The following HELLS variants were observed in gnomAD, a reference collection of about 807,000 sequenced individuals.
HELLS encodes the protein helicase, lymphoid specific, also known as lymphoid-specific helicase.
Under a neutral mutation model 120.0 loss-of-function variants are expected in HELLS, and 32 were observed. The observed-to-expected ratio is 0.27, with a 90% CI of 0.20 to 0.36. The LOEUF (loss-of-function observed/expected upper bound fraction) is 0.36. HELLS is among the 10% of genes least tolerant of loss of function. The pLI, the probability that HELLS is intolerant of heterozygous loss-of-function variation, is 1.00. For missense variants in HELLS, 650 were observed against 993.4 expected (o/e 0.65, Z 4.65); for synonymous variants, 341 against 323.4 (o/e 1.05, Z -0.58).
In HELLS at chr10:94,574,664, A is replaced by T. The variant is rs1017636897; in HGVS notation, c.816A>T (p.Gly272=). ...IALMIQRGVP[G]PFLVCGPLST... is the part of the protein sequence containing the mutation. ...TGATGATTCAGAGAGGAGTACCAGG[A>T]CCTTTTCTTGTCTGTGGCCCTTTGT... is the stretch of plus-strand genomic sequence containing the variant. The change falls in exon 9 of 22, where the codon GGA becomes GGT. Residue 272 remains glycine (G), a synonymous_variant. Transcript: ENST00000348459. 4 of 1,613,838 alleles carry T rather than the reference A, an allele frequency of 2.5e-6. No homozygotes were observed. The highest frequency in any genetic ancestry group is 3.4e-6 in the Non-Finnish European group (4 of 1,179,838).
intron 9 of HELLS, 105 bp from the exon 10 acceptor site, chr10:94,576,557 T>C (rs1211399230): frequency 5.0e-6 from 3 of 600,072 alleles, no homozygotes; most frequent in Non-Finnish European, 7.9e-6. Flanking sequence ...GAAATAAAAT[T>C]TTTTAAAATT....
chr10:94,613,149 A>G (rs912706307), exon 10 of HELLS: 1 of 152,230 alleles, frequency 6.6e-6, no homozygotes, highest in African/African-American at 2.4e-5. Flanking sequence ...GTACTTATGT[A>G]CTTTTCAGAA....
At chr10:94,564,475 C>T (rs566524178) in intron 6 of HELLS, among the ~76,000 whole-genome samples, 9 of 152,142 alleles carry the variant, frequency 5.9e-5, no homozygotes, top group Non-Finnish European at 1.0e-4. Flanking sequence ...AAGACTTTTA[C>T]GAAACTGAAA....
In HELLS at chr10:94,601,524, T is replaced by C. The variant is rs887091140; in HGVS notation, c.2423-4T>C. On this transcript the variant is annotated splice_region_variant and splice_polypyrimidine_tract_variant and intron_variant, in intron 21 of 21. Transcript: ENST00000348459. The stretch of plus-strand genomic sequence containing the variant: ...ATGTACCTGTTTTAATGTTTTTCCC[T>C]TAGATCAAATGAATGCTTCAGGACC... 6.9e-7 allele frequency: 1 copy of C among 1,439,984 alleles called. No individual in the cohort carries two copies. Among genetic ancestry groups the C allele is most frequent in the Admixed American group, 1.8e-5 (1 of 54,894 alleles). 89.2% of individuals were successfully genotyped at this position (1,439,984 alleles called of 1,614,324 possible).
At chr10:94,568,275 T>TA (rs1333869724) in intron 6 of HELLS, among the ~76,000 whole-genome samples, 1 of 151,958 alleles carries the variant, frequency 6.6e-6, no homozygotes, top group African/African-American at 2.4e-5. Context: ...TGAGCAGTTT[T>TA]ACGCCTACCA....
intron 6 of HELLS, 153 bp from the exon 7 acceptor site, chr10:94,571,235 A>G (rs1369315701): frequency 5.2e-6 from 3 of 580,652 alleles, no homozygotes; most frequent in South Asian, 2.1e-5. Context: ...AGTAATGTCT[A>G]TAGGCTTATT....
chr10:94,610,210 T>C (rs1450801431), exon 10 of HELLS: 1 of 152,122 alleles, frequency 6.6e-6, no homozygotes, highest in Non-Finnish European at 1.5e-5. Flanking sequence ...GTCACCACTA[T>C]ATAACAGCAT....
At chr10:94,593,971 ATTTT>A (rs904284453) in intron 18 of HELLS, among the ~76,000 whole-genome samples, 1 of 122,306 alleles carries the variant, frequency 8.2e-6, no homozygotes, top group Non-Finnish European at 1.7e-5. Flanking sequence ...TCCATTCTGA[ATTTT>A]TTTTTTTTTT....
At chr10:94,575,568 G>A (rs962960512) in intron 9 of HELLS, among the ~76,000 whole-genome samples, 9 of 151,854 alleles carry the variant, frequency 5.9e-5, no homozygotes, top group Admixed American at 1.3e-4. Flanking sequence ...GACTACAGGC[G>A]CACACCACAA....
At chr10:94,604,820 C>A (rs61410136), downstream of HELLS, among the ~76,000 whole-genome samples, 3,345 of 151,904 alleles carry the variant, frequency 0.022, 123 homozygotes, top group African/African-American at 0.075. Context: ...TAATACTTAA[C>A]TGTTTTTTAC....
chr10:94,600,183 C>T (rs914600505), intron 21 of HELLS, among the ~76,000 whole-genome samples: 2 of 151,750 alleles, frequency 1.3e-5, no homozygotes, highest in African/African-American at 4.8e-5. Context: ...CCCAGCTACT[C>T]AGAAGGCTGA....
At position 94,554,008 on chromosome 10, in the gene HELLS, G is replaced by A. The variant is rs191523820; in HGVS notation, c.154-118G>A. The A allele has an allele frequency of 1.4e-4, 118 of 862,192 alleles. 1 individual carries two copies. The African/African-American group carries it at 1.8e-3, about 13-fold the overall frequency. The allele number at this position is 862,192 out of a possible 1,614,324, so 53.4% of individuals were successfully genotyped here. On this transcript the variant is annotated intron_variant, in intron 2 of 21. Coordinates refer to ENST00000348459, the MANE Select transcript of HELLS (RefSeq NM_018063.5). ...TAACAGTTATTTGTTCCAGTTTTTGGTTTGAAAGTGTTTGGTTTAAAAAAT... is the reference window on the plus strand; with the variant it reads ...TAACAGTTATTTGTTCCAGTTTTTGATTTGAAAGTGTTTGGTTTAAAAAAT...
intron 9 of HELLS, among the ~76,000 whole-genome samples, chr10:94,575,319 G>A (rs946548602): frequency 1.3e-5 from 2 of 151,342 alleles, no homozygotes; most frequent in East Asian, 3.9e-4. Context: ...GGCTGGTCTT[G>A]AACTCCTGGC....
At chr10:94,605,077 C>G (rs956584685), downstream of HELLS, among the ~76,000 whole-genome samples, 25 of 124,750 alleles carry the variant, frequency 2.0e-4, 2 homozygotes, top group Non-Finnish European at 3.3e-4. Flanking sequence ...GTGTCTCCCC[C>G]CCCCCCCCTT....
chr10:94,572,373 T>C (rs1844221413), intron 7 of HELLS, among the ~76,000 whole-genome samples: 1 of 152,206 alleles, frequency 6.6e-6, no homozygotes, highest in Non-Finnish European at 1.5e-5. Context: ...AACATTTCCA[T>C]TGTAAAGGGA....
intron 7 of HELLS, 131 bp downstream of exon 7, chr10:94,571,560 C>G (rs1474377494): frequency 3.0e-6 from 2 of 673,370 alleles, no homozygotes; most frequent in African/African-American, 3.8e-5. Flanking sequence ...AAAAAAATAC[C>G]TATGTATTCA....
chr10:94,609,333 A>C (rs1051201603), intron 9 of HELLS, among the ~76,000 whole-genome samples: 2 of 152,008 alleles, frequency 1.3e-5, no homozygotes, highest in African/African-American at 4.8e-5. Context: ...TATATCCACC[A>C]CTTTACCATC....
In HELLS at chr10:94,562,691, G is replaced by C. The variant is rs148139900; in HGVS notation, c.334G>C (p.Gly112Arg). The C allele has an allele frequency of 1.3e-6, 2 of 1,580,234 alleles. No individual in the cohort carries two copies. Among genetic ancestry groups the C allele is most frequent in the South Asian group, 2.3e-5 (2 of 87,068 alleles). ...AATATTCTGAATCCTTGTTTTGTAG[G>C]GTAAAAATTCAATTGATGCAAGTGA... Reference protein sequence around the residue: ...RKKESLKVKKGKNSIDASEEK... With the variant: ...RKKESLKVKKRKNSIDASEEK... Residue 112 changes from glycine (G) to arginine (R), a missense_variant and splice_region_variant, in exon 5 of 22, where the codon GGT becomes CGT. Gly to Arg is a moderately radical substitution (Grantham distance 125). Around this residue, in one of 9 missense-constraint regions of HELLS, gnomAD observed 113 missense variants for 120.7 expected, o/e 0.94. Coordinates refer to ENST00000348459, the MANE Select transcript of HELLS (RefSeq NM_018063.5).
intron 4 of HELLS, among the ~76,000 whole-genome samples, chr10:94,560,995 G>C (rs1433785150): frequency 6.6e-6 from 1 of 151,634 alleles, no homozygotes; most frequent in African/African-American, 2.4e-5. Flanking sequence ...GGCCGAGGTT[G>C]CAGTGAGCTG....
Sources: allele counts gnomAD v4.1 joint callset (sites outside exome capture counted in the v4.1 genomes callset), GRCh38; gene constraint gnomAD v4.1.1; regional missense constraint gnomAD v4.1.1; transcripts MANE v1.5; gene names NCBI Gene and HGNC (gene_info 2026-07-23, HGNC 2026-07-21).